Variants in KIDINS220 observed in about 807,000 individuals in gnomAD.
The protein encoded by KIDINS220 is kinase D-interacting substrate of 220 kDa.
In KIDINS220, 63 loss-of-function variants were observed where a neutral mutation model predicts 157.6. The observed-to-expected ratio is 0.40, with a 90% CI of 0.33 to 0.49. The LOEUF (loss-of-function observed/expected upper bound fraction) is 0.49. Among genes scored for constraint, KIDINS220 ranks in the 20% least tolerant of loss-of-function variants. KIDINS220 has a pLI of 0.66. For missense variants in KIDINS220, 1,772 were observed against 2,171.2 expected, an observed-to-expected ratio of 0.82 and a Z score of 3.65; for synonymous variants, 732 against 783.6, an observed-to-expected ratio of 0.93 and a Z score of 1.10.
intron 18 of KIDINS220, 84 bp from the exon 19 acceptor site, chr2:8,779,223 T>C: frequency 6.7e-7 from 1 of 1,487,830 alleles, no homozygotes; most frequent in Non-Finnish European, 9.1e-7. Flanking sequence ...ATGTGCTACC[T>C]TTTGGTGACA....
chr2:8,775,362 G>C (rs1347402566), intron 21 of KIDINS220, among the ~76,000 whole-genome samples: 1 of 152,134 alleles, frequency 6.6e-6, no homozygotes, highest in African/African-American at 2.4e-5. Flanking sequence ...TAGAAAAGGA[G>C]AACTCCAAGA....
intron 1 of KIDINS220, among the ~76,000 whole-genome samples, chr2:8,837,208 G>A (rs1680545335): frequency 6.6e-6 from 1 of 152,134 alleles, no homozygotes; most frequent in Non-Finnish European, 1.5e-5. Flanking sequence ...CACCCGAGGG[G>A]CCCCTCAGGA....
At chr2:8,766,429 C>T (rs957994515) in intron 22 of KIDINS220, among the ~76,000 whole-genome samples, 1 of 152,194 alleles carries the variant, frequency 6.6e-6, no homozygotes, top group African/African-American at 2.4e-5. Context: ...CTCTTCATCT[C>T]CTTAACTCTC....
chr2:8,784,467 T>C (rs777511231), intron 17 of KIDINS220, among the ~76,000 whole-genome samples: 4 of 152,124 alleles, frequency 2.6e-5, no homozygotes, highest in Non-Finnish European at 4.4e-5. Flanking sequence ...GTCAAGAGAA[T>C]GAAAAGCAAC....
Position 8,730,613 on chromosome 2 carries a change from T to C in KIDINS220, c.*107A>G. 1 of 1,464,824 alleles carries C rather than the reference T, an allele frequency of 6.8e-7. No homozygotes were observed. The highest frequency in any genetic ancestry group is 9.0e-7 in the Non-Finnish European group (1 of 1,115,194). The allele number at this position is 1,464,824 out of a possible 1,614,324, so 90.7% of individuals were successfully genotyped here. ...TTACCTCGGCCTCATCATCGGTTAG[T>C]TATCTGTCAGCAAAATGTAGAAAGG... On this transcript the variant is annotated 3_prime_UTR_variant, in exon 30 of 30. Coordinates refer to ENST00000256707, the MANE Select transcript of KIDINS220 (RefSeq NM_020738.4).
chr2:8,830,843 A>G (rs1411657806), intron 1 of KIDINS220, among the ~76,000 whole-genome samples: 1 of 152,230 alleles, frequency 6.6e-6, no homozygotes, highest in Non-Finnish European at 1.5e-5. Flanking sequence ...AAGCAACTAG[A>G]GACACAAAGT....
chr2:8,774,866 T>C (rs2148186486), intron 21 of KIDINS220, among the ~76,000 whole-genome samples: 1 of 152,308 alleles, frequency 6.6e-6, no homozygotes, highest in South Asian at 2.1e-4. Context: ...GGCTTCTATT[T>C]TAAAAGAATC....
At chr2:8,794,075 CAA>C in intron 11 of KIDINS220, 88 bp from the exon 12 acceptor site, 1 of 1,037,340 alleles carries the variant, frequency 9.6e-7, no homozygotes, top group Non-Finnish European at 1.4e-6. Flanking sequence ...TGTAAAATAA[CAA>C]AATCTGAACT....
In KIDINS220 at chr2:8,730,364, T is replaced by G; in HGVS notation, c.*356A>C. On this transcript the variant is annotated 3_prime_UTR_variant, in exon 30 of 30. Transcript: ENST00000256707. ...GGTCACCAAATGTTTGCAAAAAGGG[T>G]CTCTAGCTTTTTTTCTTTTTGGCAC... 9.7e-7 allele frequency: 1 copy of G among 1,028,956 alleles called. No individual in the cohort carries two copies. The highest frequency in any genetic ancestry group is 1.2e-6 in the Non-Finnish European group (1 of 858,964). 63.7% of individuals were successfully genotyped at this position (1,028,956 alleles called of 1,614,324 possible). A position where few individuals can be genotyped will look rare whatever the true frequency, so the allele number is the denominator to read the frequency against.
At chr2:8,769,327 T>G (rs566724882) in intron 22 of KIDINS220, among the ~76,000 whole-genome samples, 7 of 152,276 alleles carry the variant, frequency 4.6e-5, no homozygotes, top group African/African-American at 1.7e-4. Context: ...ATTCCTGGAG[T>G]AATATACTAC....
At chr2:8,737,095 T>C (rs898471155) in intron 26 of KIDINS220, 96 bp from the exon 27 acceptor site, 125 of 1,182,564 alleles carry the variant, frequency 1.1e-4, no homozygotes, top group Non-Finnish European at 1.4e-4. Context: ...AGTTATACCA[T>C]GAAGTAAAGT....
chr2:8,726,075 T>C (rs1050652828), downstream of KIDINS220, among the ~76,000 whole-genome samples: 1 of 152,228 alleles, frequency 6.6e-6, no homozygotes, highest in African/African-American at 2.4e-5. Flanking sequence ...ATTGCTCATT[T>C]AAGTTGGTCT....
At chr2:8,764,579 C>T (rs79719162) in intron 22 of KIDINS220, among the ~76,000 whole-genome samples, 9,655 of 152,262 alleles carry the variant, frequency 0.063, 986 homozygotes, top group African/African-American at 0.21. Flanking sequence ...GTGAAATATA[C>T]AGTCATCATT....
At chr2:8,734,818 G>T in intron 27 of KIDINS220, 65 bp from the exon 28 acceptor site, 1 of 1,163,830 alleles carries the variant, frequency 8.6e-7, no homozygotes, top group Non-Finnish European at 1.3e-6. Context: ...AATTACTAGT[G>T]ATTGCCAAGT....
At position 8,781,153 on chromosome 2, in the gene KIDINS220, A is replaced by ATATAATATAT. The variant is rs70946383; in HGVS notation, c.2230-1340_2230-1339insATATATTATA. ...ACTATATTAATTATTATATATATAT[A>ATATAATATAT]ATATATATATATTAAAGGGGGGCAT... On this transcript the variant is annotated intron_variant, in intron 17 of 29. Coordinates refer to ENST00000256707, the MANE Select transcript of KIDINS220 (RefSeq NM_020738.4). 3.7e-4 allele frequency among the ~76,000 whole-genome samples: 48 copies of ATATAATATAT among 130,394 alleles called. 1 individual carries two copies. Among genetic ancestry groups the ATATAATATAT allele is most frequent in the African/African-American group, 1.4e-3 (48 of 35,196 alleles). The allele number at this position is 130,394 out of a possible 152,430, so 85.5% of individuals were successfully genotyped here. A position where few individuals can be genotyped will look rare whatever the true frequency, so the allele number is the denominator to read the frequency against.
chr2:8,735,578 C>G (rs1001382321), intron 27 of KIDINS220, among the ~76,000 whole-genome samples: 3 of 152,058 alleles, frequency 2.0e-5, no homozygotes, highest in African/African-American at 7.2e-5. Flanking sequence ...CTTTTGGTTC[C>G]CTGTAATTCT....
chr2:8,788,574 A>C, intron 15 of KIDINS220, 73 bp downstream of exon 15: 1 of 1,480,090 alleles, frequency 6.8e-7, no homozygotes, highest in Non-Finnish European at 9.2e-7. Flanking sequence ...CGGCTCCTAT[A>C]AACTTTCCGA....
Position 8,827,099 on chromosome 2 carries a change from C to T in KIDINS220, c.-6G>A, listed in dbSNP as rs370863668. The stretch of plus-strand genomic sequence containing the variant: ...TGTGATATCAAAACTGACATTTTCA[C>T]AGAAAGCTGCAATTAACTTTATTTG... On this transcript the variant is annotated 5_prime_UTR_variant, in exon 2 of 30. It adds an upstream start codon to the 5' untranslated region. Coordinates refer to ENST00000256707, the MANE Select transcript of KIDINS220 (RefSeq NM_020738.4). The T allele has an allele frequency of 6.1e-6, 9 of 1,487,116 alleles. No individual in the cohort carries two copies. The African/African-American group carries it at 9.7e-5, about 16-fold the overall frequency. The allele number at this position is 1,487,116 out of a possible 1,614,324, so 92.1% of individuals were successfully genotyped here. A position where few individuals can be genotyped will look rare whatever the true frequency, so the allele number is the denominator to read the frequency against.
In KIDINS220 at chr2:8,770,830, G is replaced by A. The variant is rs1276355120; in HGVS notation, c.2851C>T (p.Arg951Ter). 3.8e-6 allele frequency: 6 copies of A among 1,580,078 alleles called. No homozygotes were observed. In the Admixed American group the frequency reaches 7.3e-5, roughly 19 times the overall value. ...RLLNIVSVTGRLLRANQISFN... is the reference protein window; with the variant it reads ...RLLNIVSVTG ...CTAATCTGATTGGCTCTCAGTAATC[G>A]TCCTTTTAAAAAATACAAAAGCATT... Residue 951 changes from arginine to a stop codon, truncating the protein, a stop_gained and splice_region_variant, in exon 22 of 30, where the codon CGA becomes TGA. Coordinates refer to ENST00000256707, the MANE Select transcript of KIDINS220 (RefSeq NM_020738.4). LOFTEE classifies it high-confidence loss of function.
Sources: gnomAD v4.1 joint callset for allele counts (sites outside exome capture counted in the v4.1 genomes callset) on GRCh38, gnomAD v4.1.1 for gene constraint, MANE v1.5 for transcripts, NCBI Gene and HGNC (gene_info 2026-07-23, HGNC 2026-07-21) for gene names.